KIAA0513: variants seen among roughly 807,000 people sequenced by gnomAD.
The protein encoded by KIAA0513 is uncharacterized protein KIAA0513.
In KIAA0513, 39 loss-of-function variants were observed where a neutral mutation model predicts 56.5. The ratio of observed to expected loss-of-function variants is 0.69; its 90% CI spans 0.53 to 0.90. The LOEUF (loss-of-function observed/expected upper bound fraction) is 0.90. Ranked by LOEUF, KIAA0513 falls within the 40% of genes least tolerant of loss-of-function variation. The pLI, the probability that KIAA0513 is intolerant of heterozygous loss-of-function variation, is 0.00. For synonymous variants in KIAA0513, 268 were observed against 215.6 expected (o/e 1.24, Z -2.13); for missense variants, 591 against 535.2 (o/e 1.10, Z -1.03).
rs1028536185 is a variant in KIAA0513, at chr16:85,077,719, C to A, written c.782+87C>A. The A allele has an allele frequency of 6.3e-6, 6 of 953,956 alleles. No homozygotes were observed. In the East Asian group the frequency reaches 1.3e-4, roughly 20 times the overall value. 59.1% of individuals were successfully genotyped at this position (953,956 alleles called of 1,614,324 possible). A position where few individuals can be genotyped will look rare whatever the true frequency, so the allele number is the denominator to read the frequency against. On this transcript the variant is annotated intron_variant, in intron 6 of 12. Transcript: ENST00000683363. ...TCGGACGGGGGCAGCAGGGAGGGTG[C>A]GGGTGAGGCCCAGAGACTGTCAGGA...
chr16:85,055,183 C>CA (rs1042508965), intron 1 of KIAA0513, among the ~76,000 whole-genome samples: 19 of 152,192 alleles, frequency 1.2e-4, no homozygotes, highest in African/African-American at 4.6e-4. Flanking sequence ...CTTGGCCTCT[C>CA]AAAGTGCTGG....
At chr16:85,048,183 C>G (rs1031949464) in intron 1 of KIAA0513, among the ~76,000 whole-genome samples, 1 of 152,174 alleles carries the variant, frequency 6.6e-6, no homozygotes, top group African/African-American at 2.4e-5. Flanking sequence ...GCCTCTGGAG[C>G]CCATCCCCTA....
chr16:85,076,664 A>G lies in KIAA0513; in HGVS notation c.574+750A>G, dbSNP rs962691577. 6.6e-6 allele frequency among the ~76,000 whole-genome samples: 1 copy of G among 151,564 alleles called. No homozygotes were observed. Among genetic ancestry groups the G allele is most frequent in the Non-Finnish European group, 1.5e-5 (1 of 67,902 alleles). Reference sequence around the variant, plus strand: ...CCCCTCCCACAGCCATCCTCTCCGCACCCCTCAGTTCAGTTGGTCCAACTG... The same window carrying G: ...CCCCTCCCACAGCCATCCTCTCCGCGCCCCTCAGTTCAGTTGGTCCAACTG... On this transcript the variant is annotated intron_variant, in intron 5 of 12. Coordinates refer to ENST00000683363, the MANE Select transcript of KIAA0513 (RefSeq NM_001388359.1). The surrounding 1 kb of genome is among the most constrained non-coding windows in gnomAD (Gnocchi z 4.7).
intron 2 of KIAA0513, among the ~76,000 whole-genome samples, 169 bp from the exon 3 acceptor site, chr16:85,071,614 C>T (rs182149797): frequency 6.6e-6 from 1 of 152,282 alleles, no homozygotes; most frequent in East Asian, 1.9e-4. Flanking sequence ...ATAGTAACAC[C>T]CTTTCCTCAT....
chr16:85,050,045 G>A (rs2073228179), intron 1 of KIAA0513, among the ~76,000 whole-genome samples: 1 of 152,158 alleles, frequency 6.6e-6, no homozygotes, highest in South Asian at 2.1e-4. Flanking sequence ...CCCAGGGAGG[G>A]CGCGCCTTAT....
In KIAA0513 at chr16:85,067,369, C is replaced by G; in HGVS notation, c.298C>G (p.Arg100Gly). The change falls in exon 2 of 13, where the codon CGT becomes GGT. Residue 100 changes from arginine (R) to glycine (G), a missense_variant. Arg to Gly is a moderately radical substitution (Grantham distance 125). Transcript: ENST00000683363. Reference protein sequence around the residue: ...EETLALRDFMRGYVEKIFSGG... With the variant: ...EETLALRDFMGGYVEKIFSGG... Reference sequence around the variant, plus strand: ...GACCCTGGCACTCAGGGACTTCATGCGTGGCTACGTGGAGAAGATCTTCTC... The same window carrying G: ...GACCCTGGCACTCAGGGACTTCATGGGTGGCTACGTGGAGAAGATCTTCTC... 6.2e-7 allele frequency: 1 copy of G among 1,605,756 alleles called. No individual in the cohort carries two copies. The highest frequency in any genetic ancestry group is 8.5e-7 in the Non-Finnish European group (1 of 1,179,746).
intron 1 of KIAA0513, among the ~76,000 whole-genome samples, chr16:85,032,639 CT>C (rs936609315): frequency 1.3e-5 from 2 of 150,946 alleles, no homozygotes; most frequent in African/African-American, 2.4e-5. Context: ...CACAAAGACC[CT>C]TTTTTTTTGA....
rs745333847 is a variant in KIAA0513, at chr16:85,078,947, C to T, written c.846C>T (p.Asp282=). ...PRAVTAYSPE[D]EKKGEKIYLY... ...CAGTGACCGCGTACAGCCCCGAGGA[C>T]GAAAAGAAGGGGGAGAAGATCTACC... Residue 282 remains aspartate (D), a synonymous_variant, in exon 8 of 13, where the codon GAC becomes GAT. Coordinates refer to ENST00000683363, the MANE Select transcript of KIAA0513 (RefSeq NM_001388359.1). The T allele has an allele frequency of 2.6e-5, 42 of 1,614,038 alleles. No homozygotes were observed. Among genetic ancestry groups the T allele is most frequent in the Non-Finnish European group, 3.2e-5 (38 of 1,179,996 alleles).
intron 1 of KIAA0513, among the ~76,000 whole-genome samples, chr16:85,063,003 T>C (rs895452714): frequency 2.0e-5 from 3 of 152,282 alleles, no homozygotes; most frequent in Admixed American, 2.0e-4. Flanking sequence ...CCCAGACAGC[T>C]GAGATCCCTG....
chr16:85,086,891 A>T, intron 11 of KIAA0513, 167 bp downstream of exon 11: 1 of 827,198 alleles, frequency 1.2e-6, no homozygotes, highest in African/African-American at 1.7e-5. Flanking sequence ...CTCCTACACG[A>T]CCCCTGGTGG....
intron 1 of KIAA0513, among the ~76,000 whole-genome samples, chr16:85,046,037 G>A (rs1340644013): frequency 6.6e-6 from 1 of 152,170 alleles, no homozygotes; most frequent in African/African-American, 2.4e-5. Context: ...ACAGCCCCTG[G>A]AAACGAGCCA....
intron 2 of KIAA0513, among the ~76,000 whole-genome samples, chr16:85,068,505 T>C (rs1306906281): frequency 7.9e-5 from 12 of 152,032 alleles, no homozygotes; most frequent in African/African-American, 2.7e-4. Flanking sequence ...GCTAGTTTTT[T>C]GTATTTTTAG....
intron 1 of KIAA0513, among the ~76,000 whole-genome samples, chr16:85,053,109 G>A (rs1018883115): frequency 1.3e-5 from 2 of 152,046 alleles, no homozygotes; most frequent in African/African-American, 4.8e-5. Context: ...GGCTGGTCTC[G>A]AACTCCTGAC....
chr16:85,073,349 A>G (rs2073607574), intron 4 of KIAA0513, among the ~76,000 whole-genome samples: 1 of 152,114 alleles, frequency 6.6e-6, no homozygotes, highest in Non-Finnish European at 1.5e-5. Context: ...AGTACTTCAA[A>G]CTCAACCACC....
chr16:85,035,727 C>G (rs1306840410), intron 1 of KIAA0513, among the ~76,000 whole-genome samples: 2 of 152,052 alleles, frequency 1.3e-5, no homozygotes, highest in East Asian at 1.9e-4. Context: ...GCCTGTAATG[C>G]CAGCACTTTG....
Position 85,066,904 on chromosome 16 carries a change from C to T in KIAA0513, c.-168C>T, listed in dbSNP as rs561396478. On this transcript the variant is annotated 5_prime_UTR_variant, in exon 2 of 13. Coordinates refer to ENST00000683363, the MANE Select transcript of KIAA0513 (RefSeq NM_001388359.1). ...GTGTCTGTGTTTCCATTCTAGATGCCGTAGGGCCAGGTGAGCTGCTGTGAA... is the reference window on the plus strand; with the variant it reads ...GTGTCTGTGTTTCCATTCTAGATGCTGTAGGGCCAGGTGAGCTGCTGTGAA... 2.6e-5 allele frequency: 14 copies of T among 543,352 alleles called. No individual in the cohort carries two copies. Among genetic ancestry groups the T allele is most frequent in the South Asian group, 1.9e-4 (7 of 37,448 alleles). 33.7% of individuals were successfully genotyped at this position (543,352 alleles called of 1,614,324 possible).
rs79676339 is a variant in KIAA0513, at chr16:85,055,218, C to T, written c.-172-11682C>T. Among the ~76,000 whole-genome samples, 532 of 152,244 alleles carry T rather than the reference C, an allele frequency of 3.5e-3. 1 individual carries two copies. The highest frequency in any genetic ancestry group is 0.012 in the African/African-American group (513 of 41,560). On this transcript the variant is annotated intron_variant, in intron 1 of 12. Coordinates refer to ENST00000683363, the MANE Select transcript of KIAA0513 (RefSeq NM_001388359.1). ...GGATTACAAATATGAGCCACCGCCC[C>T]CAGCCTCTTTTTGTGGTTTTTTTTT... is the stretch of plus-strand genomic sequence containing the variant.
At chr16:85,072,894 C>G (rs7184546) in intron 3 of KIAA0513, 31 bp from the exon 4 acceptor site, 491,686 of 1,610,040 alleles carry the variant, frequency 0.31, 77,792 homozygotes, top group Middle Eastern at 0.36. Flanking sequence ...CGCCCTGAAC[C>G]TCAATGATGT....
chr16:85,036,439 C>T lies in KIAA0513; in HGVS notation c.-173+8581C>T, dbSNP rs1219570710. ...AACCTGGAATTGTCCAGTATGTGGC[C>T]TTGTAACTAGATTCATTTTTAGTTC... On this transcript the variant is annotated intron_variant, in intron 1 of 12. Transcript: ENST00000683363. 9.9e-5 allele frequency among the ~76,000 whole-genome samples: 15 copies of T among 152,266 alleles called. No homozygotes were observed. In the East Asian group the frequency reaches 2.9e-3, roughly 29 times the overall value.
Sources: gnomAD v4.1 joint callset for allele counts (sites outside exome capture counted in the v4.1 genomes callset) on GRCh38, gnomAD v4.1.1 for gene constraint, Gnocchi (gnomAD v3.1) non-coding constraint, MANE v1.5 for transcripts, NCBI Gene and HGNC (gene_info 2026-07-23, HGNC 2026-07-21) for gene names.